BANK1: variants seen among roughly 807,000 people sequenced by gnomAD.
BANK1 encodes B cell scaffold protein with ankyrin repeats 1, also known as B-cell scaffold protein with ankyrin repeats.
A neutral mutation model predicts 94.5 loss-of-function variants in BANK1; 95 were observed. That is an observed-to-expected ratio of 1.00 (90% CI 0.85 to 1.19). The LOEUF (loss-of-function observed/expected upper bound fraction) is 1.19. Ranked by LOEUF, BANK1 falls within the 50% of genes most tolerant of loss-of-function variation. BANK1 has a pLI of 0.00. For missense variants in BANK1, 987 were observed against 932.2 expected (o/e 1.06, Z -0.77); for synonymous variants, 334 against 308.4 (o/e 1.08, Z -0.87).
intron 7 of BANK1, among the ~76,000 whole-genome samples, chr4:101,996,793 TTTACTAAGTTGCTTATC>T (rs1438651398): frequency 6.6e-6 from 1 of 152,340 alleles, no homozygotes; most frequent in South Asian, 2.1e-4. Context: ...ATCCTGACAC[TTTACTAAGTTGCTTATC>T]AGCTTAAGGA....
chr4:101,939,522 C>T (rs902705740), intron 7 of BANK1, among the ~76,000 whole-genome samples: 2 of 151,620 alleles, frequency 1.3e-5, no homozygotes, highest in South Asian at 2.1e-4. Flanking sequence ...TACCTGGAAA[C>T]GTGTTTCTGA....
chr4:101,986,896 T>A, intron 7 of BANK1, among the ~76,000 whole-genome samples: 1 of 100,376 alleles, frequency 1.0e-5, no homozygotes, highest in Non-Finnish European at 1.9e-5. Context: ...TGTGTGTGTG[T>A]GTGTATATAT....
intron 1 of BANK1, among the ~76,000 whole-genome samples, chr4:101,828,781 G>T (rs1726478994): frequency 1.3e-5 from 2 of 151,850 alleles, no homozygotes; most frequent in African/African-American, 4.8e-5. Context: ...CTCTTATTGT[G>T]GTGACTTTGT....
At chr4:101,802,980 T>A (rs1303964203) in intron 1 of BANK1, among the ~76,000 whole-genome samples, 1 of 152,158 alleles carries the variant, frequency 6.6e-6, no homozygotes, top group Non-Finnish European at 1.5e-5. Flanking sequence ...GGAAAAAAAA[T>A]TTCTGTGGTG....
chr4:101,870,464 AT>A, intron 4 of BANK1, 40 bp from the exon 5 acceptor site: 1 of 1,570,438 alleles, frequency 6.4e-7, no homozygotes. Context: ...ATGAATATGC[AT>A]TATATACTCT....
At chr4:102,042,689 G>A (rs551574791) in intron 10 of BANK1, among the ~76,000 whole-genome samples, 2 of 152,118 alleles carry the variant, frequency 1.3e-5, no homozygotes, top group South Asian at 4.2e-4. Context: ...CAGTGGTCCA[G>A]CACCATCCAG....
intron 12 of BANK1, 75 bp from the exon 13 acceptor site, chr4:102,063,000 T>C (rs1305904135): frequency 3.5e-6 from 4 of 1,152,726 alleles, no homozygotes; most frequent in Non-Finnish European, 5.2e-6. Flanking sequence ...GTATTGCTAA[T>C]AGTAGTTGAT....
At chr4:102,020,725 T>A (rs2148946392) in intron 7 of BANK1, among the ~76,000 whole-genome samples, 1 of 152,266 alleles carries the variant, frequency 6.6e-6, no homozygotes, top group South Asian at 2.1e-4. Context: ...TTTCAATTAA[T>A]TTTTTAAGAA....
chr4:102,050,801 G>C (rs1728022245), intron 11 of BANK1, among the ~76,000 whole-genome samples: 1 of 132,090 alleles, frequency 7.6e-6, no homozygotes, highest in Non-Finnish European at 1.6e-5. Context: ...ATAGAGTCAG[G>C]TTATGAAAAA....
At chr4:102,010,101 T>TA (rs199666132) in intron 7 of BANK1, among the ~76,000 whole-genome samples, 34 of 151,658 alleles carry the variant, frequency 2.2e-4, no homozygotes, top group African/African-American at 7.2e-4. Context: ...CCGTCTCTAC[T>TA]AAAAATACAA....
At chr4:101,815,923 A>G (rs1404179366) in intron 1 of BANK1, among the ~76,000 whole-genome samples, 2 of 152,212 alleles carry the variant, frequency 1.3e-5, no homozygotes, top group African/African-American at 4.8e-5. Context: ...GTCCATTAGC[A>G]TAATAATGTC....
At chr4:101,926,522 ACTAT>A (rs746321114) in intron 7 of BANK1, among the ~76,000 whole-genome samples, 16 of 151,788 alleles carry the variant, frequency 1.1e-4, no homozygotes, top group Non-Finnish European at 2.2e-4. Context: ...ATATTTATTG[ACTAT>A]CTGTTAGGTG....
intron 4 of BANK1, among the ~76,000 whole-genome samples, chr4:101,864,869 T>A (rs1355693957): frequency 2.0e-5 from 3 of 152,190 alleles, no homozygotes; most frequent in African/African-American, 7.2e-5. Flanking sequence ...CTTCTCTATG[T>A]CACATTCTTT....
At chr4:101,931,118 C>T (rs1723324470) in intron 7 of BANK1, among the ~76,000 whole-genome samples, 1 of 151,490 alleles carries the variant, frequency 6.6e-6, no homozygotes, top group South Asian at 2.1e-4. Flanking sequence ...TCTTTGGCTG[C>T]TTTATTGCCA....
At chr4:101,798,897 C>G (rs1725253521) in intron 1 of BANK1, among the ~76,000 whole-genome samples, 1 of 152,136 alleles carries the variant, frequency 6.6e-6, no homozygotes, top group African/African-American at 2.4e-5. Flanking sequence ...AAACTTTTCT[C>G]CCATTCTGTA....
At chr4:102,010,095 C>G (rs1201133730) in intron 7 of BANK1, among the ~76,000 whole-genome samples, 2 of 132,222 alleles carry the variant, frequency 1.5e-5, no homozygotes, top group Admixed American at 7.4e-5. Context: ...TGAAACCCGT[C>G]TCTACTAAAA....
chr4:101,852,063 T>G (rs1727494544), intron 2 of BANK1, among the ~76,000 whole-genome samples: 1 of 152,138 alleles, frequency 6.6e-6, no homozygotes, highest in Non-Finnish European at 1.5e-5. Flanking sequence ...TTGGACTCCG[T>G]TTTCTCTGTT....
chr4:102,006,057 A>G (rs1046809165), intron 7 of BANK1, among the ~76,000 whole-genome samples: 40 of 152,058 alleles, frequency 2.6e-4, no homozygotes, highest in African/African-American at 9.7e-4. Context: ...AGCATACACT[A>G]CTACACTTTA....
At chr4:101,874,438 C>T (rs191429681) in intron 5 of BANK1, among the ~76,000 whole-genome samples, 1 of 152,272 alleles carries the variant, frequency 6.6e-6, no homozygotes, top group Non-Finnish European at 1.5e-5. Context: ...TCCTGCCTTT[C>T]AGAAATGCTT....
Sources: allele counts gnomAD v4.1 joint callset (sites outside exome capture counted in the v4.1 genomes callset), GRCh38; gene constraint gnomAD v4.1.1; transcripts MANE v1.5; gene names NCBI Gene and HGNC (gene_info 2026-07-23, HGNC 2026-07-21).